Variants in NEK5 observed in about 807,000 individuals in gnomAD.
NEK5 encodes the protein serine/threonine-protein kinase Nek5.
NEK5 carries 88 observed loss-of-function variants against 109.2 expected under a neutral mutation model. The ratio of observed to expected loss-of-function variants is 0.81; its 90% CI spans 0.68 to 0.96. NEK5 has a LOEUF of 0.96. Ranked by LOEUF, NEK5 falls within the 40% of genes least tolerant of loss-of-function variation. The pLI is 0.00. For synonymous variants in NEK5, 283 were observed against 299.9 expected, an observed-to-expected ratio of 0.94 and a Z score of 0.58; for missense variants, 834 against 920.7, an observed-to-expected ratio of 0.91 and a Z score of 1.22.
At chr13:52,094,808 A>G (rs1336293227) in intron 12 of NEK5, among the ~76,000 whole-genome samples, 4 of 152,254 alleles carry the variant, frequency 2.6e-5, no homozygotes, top group Non-Finnish European at 5.9e-5. Context: ...ACCATAATTA[A>G]TCTAGAAAAA....
intron 7 of NEK5, 35 bp from the exon 8 acceptor site, chr13:52,108,439 T>C: frequency 7.5e-7 from 1 of 1,329,366 alleles, no homozygotes; most frequent in Admixed American, 1.8e-5. Flanking sequence ...ATCAGCATGA[T>C]TTTTTATTGG....
At chr13:52,065,294 T>C in intron 21 of NEK5, 190 bp downstream of exon 21, 1 of 811,272 alleles carries the variant, frequency 1.2e-6, no homozygotes, top group Non-Finnish European at 2.1e-6. Flanking sequence ...AGAGTGGTCA[T>C]TTGTCCAGGA....
At chr13:52,064,386 C>T (rs1954651962) in intron 21 of NEK5, among the ~76,000 whole-genome samples, 1 of 146,056 alleles carries the variant, frequency 6.8e-6, no homozygotes, top group South Asian at 2.2e-4. Context: ...GCCAGCCGCC[C>T]CGTCCGGGAG....
intron 3 of NEK5, among the ~76,000 whole-genome samples, chr13:52,125,455 C>T (rs987544916): frequency 6.6e-6 from 1 of 152,036 alleles, no homozygotes; most frequent in Non-Finnish European, 1.5e-5. Flanking sequence ...CCCAGCTACT[C>T]GGGAGGCTGA....
At chr13:52,118,222 A>G (rs1487796913) in intron 4 of NEK5, among the ~76,000 whole-genome samples, 1 of 152,186 alleles carries the variant, frequency 6.6e-6, no homozygotes, top group African/African-American at 2.4e-5. Flanking sequence ...ATGCTTGAAG[A>G]TATTGAGGTT....
At chr13:52,060,286 T>C (rs1193258380) in intron 22 of NEK5, among the ~76,000 whole-genome samples, 1 of 152,236 alleles carries the variant, frequency 6.6e-6, no homozygotes, top group Non-Finnish European at 1.5e-5. Context: ...TGTGTATTCA[T>C]TAACTGTTGG....
chr13:52,050,847 G>A (rs1954499289), intron 22 of NEK5, among the ~76,000 whole-genome samples: 3 of 150,934 alleles, frequency 2.0e-5, no homozygotes. Context: ...AGCCTCCTGA[G>A]TAGCTGGGAT....
In NEK5 at chr13:52,049,559, C is replaced by A. The variant is rs369565172; in HGVS notation, c.2228+545G>T. 2.6e-5 allele frequency among the ~76,000 whole-genome samples: 4 copies of A among 151,888 alleles called. No individual in the cohort carries two copies. In the South Asian group the frequency reaches 6.2e-4, roughly 24 times the overall value. On this transcript the variant is annotated intron_variant, in intron 23 of 23. Coordinates refer to ENST00000684899, the MANE Select transcript of NEK5 (RefSeq NM_001365552.1). ...GTTTCTCATACTTTATAAGAGAATG[C>A]AAAGAGGTACAGCAGGGGTGTCCAA...
chr13:52,115,290 C>T (rs1202054728), intron 4 of NEK5, among the ~76,000 whole-genome samples: 1 of 151,690 alleles, frequency 6.6e-6, no homozygotes, highest in Non-Finnish European at 1.5e-5. Flanking sequence ...CGTGAGCCAC[C>T]GCGCCCGGCC....
Position 52,037,139 on chromosome 13 carries a change from C to T in NEK5, c.2308G>A (p.Glu770Lys), listed in dbSNP as rs1954367277. The T allele has an allele frequency of 2.0e-6, 2 of 985,126 alleles. No homozygotes were observed. Among genetic ancestry groups the T allele is most frequent in the African/African-American group, 3.5e-5 (2 of 57,210 alleles). 61.0% of individuals were successfully genotyped at this position (985,126 alleles called of 1,614,324 possible). ...GTACTGGAGGCCTCTTCTGTTTTTT[C>T]TTCCCCTTTGAAAGTAGCGAGTTTT... ...LEKLATFKGE[E>K]KTEEASSTSK... Residue 770 changes from glutamate (E) to lysine (K), a missense_variant, in exon 24 of 24, where the codon GAA (glutamate) becomes AAA (lysine). Transcript: ENST00000684899.
intron 21 of NEK5, 120 bp downstream of exon 21, chr13:52,065,364 G>C: frequency 7.5e-7 from 1 of 1,336,450 alleles, no homozygotes; most frequent in Admixed American, 1.7e-5. Context: ...ATTTGAAAGT[G>C]TCTGATACAA....
chr13:52,085,046 T>A (rs756777747), intron 16 of NEK5, among the ~76,000 whole-genome samples: 4 of 152,186 alleles, frequency 2.6e-5, no homozygotes, highest in Non-Finnish European at 4.4e-5. Context: ...GAACGTGATA[T>A]GGTTTGGCTC....
At chr13:52,100,419 G>A (rs1033268237) in intron 11 of NEK5, among the ~76,000 whole-genome samples, 1 of 152,184 alleles carries the variant, frequency 6.6e-6, no homozygotes, top group African/African-American at 2.4e-5. Context: ...GGGCCACCAG[G>A]TCCAGCTAAT....
intron 19 of NEK5, among the ~76,000 whole-genome samples, chr13:52,072,321 C>G (rs1206746936): frequency 1.3e-5 from 2 of 152,210 alleles, no homozygotes; most frequent in Non-Finnish European, 1.5e-5. Flanking sequence ...TTTATCTAGA[C>G]TTTCTGACTT....
At chr13:52,050,903 A>G (rs1374525994) in intron 22 of NEK5, among the ~76,000 whole-genome samples, 3 of 151,538 alleles carry the variant, frequency 2.0e-5, no homozygotes, top group African/African-American at 7.3e-5. Context: ...TATTTTTAGT[A>G]GAGACGGGGT....
intron 23 of NEK5, among the ~76,000 whole-genome samples, chr13:52,044,842 G>A (rs1246602919): frequency 6.6e-6 from 1 of 152,090 alleles, no homozygotes. Flanking sequence ...GAAACGAAAA[G>A]AGGCCTTTGG....
intron 20 of NEK5, among the ~76,000 whole-genome samples, chr13:52,069,627 A>G (rs1251122349): frequency 6.6e-6 from 1 of 152,100 alleles, no homozygotes; most frequent in African/African-American, 2.4e-5. Flanking sequence ...CCTCCATGTG[A>G]TGTATTTTTG....
At chr13:52,113,573 C>T (rs1463053502) in intron 4 of NEK5, among the ~76,000 whole-genome samples, 1 of 151,532 alleles carries the variant, frequency 6.6e-6, no homozygotes, top group Admixed American at 6.6e-5. Flanking sequence ...ACACTTGCTC[C>T]GTATTAAAGA....
Position 52,086,307 on chromosome 13 carries a change from T to A in NEK5, c.1449A>T (p.Glu483Asp). ...IRQQYHNDMK[E>D]IRKKMGREPE... ...GTTCTCTCCCCATCTTCTTTCTAATTTCTTTCATGTCATTGTGGTACTGTT... is the reference window on the plus strand; with the variant it reads ...GTTCTCTCCCCATCTTCTTTCTAATATCTTTCATGTCATTGTGGTACTGTT... The change falls in exon 16 of 24, where the codon GAA (glutamate) becomes GAT (aspartate). Residue 483 changes from glutamate to aspartate, a missense_variant. Physicochemically the swap from Glu to Asp is conservative, Grantham distance 45 (BLOSUM62 2). Coordinates refer to ENST00000684899, the MANE Select transcript of NEK5 (RefSeq NM_001365552.1). The A allele has an allele frequency of 6.2e-7, 1 of 1,612,180 alleles. No individual in the cohort carries two copies. The highest frequency in any genetic ancestry group is 8.5e-7 in the Non-Finnish European group (1 of 1,178,236).
Sources: allele counts gnomAD v4.1 joint callset (sites outside exome capture counted in the v4.1 genomes callset), GRCh38; gene constraint gnomAD v4.1.1; transcripts MANE v1.5; gene names NCBI Gene and HGNC (gene_info 2026-07-23, HGNC 2026-07-21).